The following ARHGAP39 variants were observed in gnomAD, a reference collection of about 807,000 sequenced individuals.
ARHGAP39 encodes the protein Rho GTPase activating protein 39.
ARHGAP39 carries 44 observed loss-of-function variants against 106.9 expected under a neutral mutation model. The ratio of observed to expected loss-of-function variants is 0.41; its 90% CI spans 0.32 to 0.53. The LOEUF is 0.53. Among genes scored for constraint, ARHGAP39 ranks in the 20% least tolerant of loss-of-function variants. The pLI is 0.21. For synonymous variants in ARHGAP39, 768 were observed against 693.2 expected (o/e 1.11, Z -1.69); for missense variants, 1,496 against 1,577.3 (o/e 0.95, Z 0.87).
At chr8:144,549,079 C>T (rs1369417322) in intron 4 of ARHGAP39, among the ~76,000 whole-genome samples, 1 of 152,254 alleles carries the variant, frequency 6.6e-6, no homozygotes, top group Non-Finnish European at 1.5e-5. Context: ...ACCAGAGTCC[C>T]CGGAGTCACG....
At chr8:144,611,950 A>T (rs1305733648) in intron 1 of ARHGAP39, among the ~76,000 whole-genome samples, 1 of 151,690 alleles carries the variant, frequency 6.6e-6, no homozygotes, top group Non-Finnish European at 1.5e-5. Context: ...TGGAGGTTGC[A>T]GTGGGCCGAG....
intron 6 of ARHGAP39, among the ~76,000 whole-genome samples, chr8:144,540,582 C>T (rs1817148602): frequency 1.3e-5 from 2 of 152,196 alleles, no homozygotes; most frequent in Non-Finnish European, 2.9e-5. Flanking sequence ...GGGAGAATCA[C>T]TTGAGCCTAG....
intron 3 of ARHGAP39, among the ~76,000 whole-genome samples, chr8:144,577,089 C>T (rs1444297683): frequency 6.6e-6 from 1 of 152,212 alleles, no homozygotes; most frequent in Admixed American, 6.5e-5. Context: ...CTGTACCTTT[C>T]AGTATCATCT....
At position 144,547,346 on chromosome 8, in the gene ARHGAP39, C is replaced by T; in HGVS notation, c.1740G>A (p.Gln580=). ...MKQRSSWDSQ[Q]DGSGYESDGA... ...CGTCGCTCTCGTAGCCAGAGCCGTC[C>T]TGCTGGGAGTCCCAGCTGCTCCTCT... is the stretch of plus-strand genomic sequence containing the variant. Residue 580 remains glutamine, a synonymous_variant, in exon 5 of 12, where the codon CAG becomes CAA. Transcript: ENST00000377307. The surrounding 1 kb of genome is among the most constrained non-coding windows in gnomAD (Gnocchi z 5.2). The T allele has an allele frequency of 1.2e-6, 2 of 1,605,322 alleles. No homozygotes were observed.
intron 1 of ARHGAP39, among the ~76,000 whole-genome samples, chr8:144,648,908 C>A (rs920825650): frequency 2.0e-5 from 3 of 151,792 alleles, no homozygotes; most frequent in Non-Finnish European, 4.4e-5. Context: ...GTTAGACAGA[C>A]CTCAAATTAA....
At chr8:144,565,474 AG>A (rs1308567423) in intron 3 of ARHGAP39, among the ~76,000 whole-genome samples, 2 of 152,136 alleles carry the variant, frequency 1.3e-5, no homozygotes, top group Non-Finnish European at 2.9e-5. Flanking sequence ...GGATCACTTG[AG>A]GTCAGGAGTT....
At chr8:144,642,725 T>A (rs1320454645) in intron 1 of ARHGAP39, among the ~76,000 whole-genome samples, 1 of 152,128 alleles carries the variant, frequency 6.6e-6, no homozygotes, top group Non-Finnish European at 1.5e-5. Flanking sequence ...CTGTACACAC[T>A]CTCTTGCTTC....
At position 144,605,564 on chromosome 8, in the gene ARHGAP39, C is replaced by T. The variant is rs149190881; in HGVS notation, c.51G>A (p.Pro17=). The T allele has an allele frequency of 5.3e-5, 86 of 1,613,866 alleles. No individual in the cohort carries two copies. Among genetic ancestry groups the T allele is most frequent in the East Asian group, 2.0e-4 (9 of 44,892 alleles). Residue 17 remains proline, a synonymous_variant, in exon 2 of 12, where the codon CCG becomes CCA. Transcript: ENST00000377307. ...YECRSHNVDL[P]ESRIPGSNTR... is the part of the protein sequence containing the mutation. Reference sequence around the variant, plus strand: ...TGTTCGACCCTGGAATCCTCGACTCCGGCAGGTCGACATTATGGCTCCTGC... The same window carrying T: ...TGTTCGACCCTGGAATCCTCGACTCTGGCAGGTCGACATTATGGCTCCTGC...
intron 2 of ARHGAP39, among the ~76,000 whole-genome samples, chr8:144,588,102 G>A (rs1261051391): frequency 6.6e-6 from 1 of 152,208 alleles, no homozygotes; most frequent in African/African-American, 2.4e-5. Flanking sequence ...AGCCAGTGAC[G>A]CTGCTGGCAG....
chr8:144,552,499 G>A (rs947124822), intron 4 of ARHGAP39, among the ~76,000 whole-genome samples: 2 of 152,192 alleles, frequency 1.3e-5, no homozygotes, highest in Non-Finnish European at 2.9e-5. Context: ...GAAACCATAC[G>A]TCTGAAATTA....
In ARHGAP39 at chr8:144,547,772, G is replaced by A. The variant is rs578024935; in HGVS notation, c.1314C>T (p.Asp438=). The change falls in exon 5 of 12, where the codon GAC becomes GAT. Residue 438 remains aspartate, a synonymous_variant. Coordinates refer to ENST00000377307, the MANE Select transcript of ARHGAP39 (RefSeq NM_025251.3). The surrounding 1 kb of genome is among the most constrained non-coding windows in gnomAD (Gnocchi z 5.2). ...CTCCGGACTTGACGCCCAGGCGCTG[G>A]TCCCTCAGCAGGCAGGGGCTGGGCT... ...SLQPSPCLLR[D]QRLGVKSGDY... The A allele has an allele frequency of 8.8e-6, 14 of 1,598,214 alleles. No individual in the cohort carries two copies. In the South Asian group the frequency reaches 1.3e-4, roughly 15 times the overall value.
chr8:144,591,531 G>A lies in ARHGAP39; in HGVS notation c.81-10254C>T, dbSNP rs575665987. Among the ~76,000 whole-genome samples, 174 of 152,168 alleles carry A rather than the reference G, an allele frequency of 1.1e-3. 1 individual carries two copies. The highest frequency in any genetic ancestry group is 2.2e-3 in the Non-Finnish European group (148 of 68,024). On this transcript the variant is annotated intron_variant, in intron 2 of 11. Coordinates refer to ENST00000377307, the MANE Select transcript of ARHGAP39 (RefSeq NM_025251.3). The surrounding 1 kb of genome is among the most constrained non-coding windows in gnomAD (Gnocchi z 5.3). ...CTTCCACCATGATTGTTCCCTGGGC[G>A]CCCCAGCCATGCGGAACCTCCTGGC...
intron 1 of ARHGAP39, among the ~76,000 whole-genome samples, chr8:144,662,702 T>G (rs1476731100): frequency 7.0e-6 from 1 of 142,996 alleles, no homozygotes; most frequent in Non-Finnish European, 1.5e-5. Flanking sequence ...CTCCCTATTA[T>G]CCACCTTGGG....
intron 3 of ARHGAP39, among the ~76,000 whole-genome samples, chr8:144,578,251 CAA>C (rs1315222779): frequency 6.6e-6 from 1 of 152,140 alleles, no homozygotes; most frequent in African/African-American, 2.4e-5. Context: ...GTTTTTGAGA[CAA>C]AGTCTTGCTC....
Position 144,548,103 on chromosome 8 carries a change from G to A in ARHGAP39, c.983C>T (p.Pro328Leu), listed in dbSNP as rs1158993307. Residue 328 changes from proline (P) to leucine (L), a missense_variant, in exon 5 of 12, where the codon CCC (proline) becomes CTC (leucine). Around this residue, in one of 4 missense-constraint regions of ARHGAP39, gnomAD observed 905 missense variants for 816.4 expected, o/e 1.11. Coordinates refer to ENST00000377307, the MANE Select transcript of ARHGAP39 (RefSeq NM_025251.3). This position sits in a 1 kb window ranked among gnomAD's most constrained non-coding sequence, Gnocchi z 7.4. ...VEYQAPIYDE[P>L]PMDVQFEAGG... ...AGCCTCGAATTGCACGTCCATGGGGGGCTCATCGTAGATGGGGGCCTGGTA... is the reference window on the plus strand; with the variant it reads ...AGCCTCGAATTGCACGTCCATGGGGAGCTCATCGTAGATGGGGGCCTGGTA... The A allele has an allele frequency of 5.0e-6, 8 of 1,588,010 alleles. No homozygotes were observed. The highest frequency in any genetic ancestry group is 6.0e-6 in the Non-Finnish European group (7 of 1,167,466).
chr8:144,626,763 C>T (rs898648397), intron 1 of ARHGAP39, among the ~76,000 whole-genome samples: 3 of 152,246 alleles, frequency 2.0e-5, no homozygotes, highest in Admixed American at 6.5e-5. Context: ...GACACGCCCG[C>T]GGCTCTGCTG....
intron 1 of ARHGAP39, among the ~76,000 whole-genome samples, chr8:144,607,430 A>G (rs1820334473): frequency 6.6e-6 from 1 of 152,090 alleles, no homozygotes; most frequent in South Asian, 2.1e-4. Flanking sequence ...CTTCGCCTGT[A>G]GCACTGGCTT....
chr8:144,664,728 T>C (rs1222255494), intron 1 of ARHGAP39, among the ~76,000 whole-genome samples: 2 of 152,192 alleles, frequency 1.3e-5, no homozygotes. Flanking sequence ...TCTTCCTTAT[T>C]TTTTCTTGCC....
chr8:144,635,455 AC>A (rs1225634760), intron 1 of ARHGAP39, among the ~76,000 whole-genome samples: 2 of 152,192 alleles, frequency 1.3e-5, no homozygotes, highest in East Asian at 3.8e-4. Flanking sequence ...CCCACACCTC[AC>A]CCTACGCTTC....
Sources: gnomAD v4.1 joint callset for allele counts (sites outside exome capture counted in the v4.1 genomes callset) on GRCh38, gnomAD v4.1.1 for gene constraint, gnomAD v4.1.1 regional missense constraint, Gnocchi (gnomAD v3.1) non-coding constraint, MANE v1.5 for transcripts, NCBI Gene and HGNC (gene_info 2026-07-23, HGNC 2026-07-21) for gene names.